The following DPYD variants were observed in gnomAD, a reference collection of about 807,000 sequenced individuals.
DPYD encodes dihydropyrimidine dehydrogenase, also known as dihydropyrimidine dehydrogenase [NADP(+)].
DPYD carries 109 observed loss-of-function variants against 116.2 expected under a neutral mutation model. That is an observed-to-expected ratio of 0.94 (90% CI 0.80 to 1.10). The LOEUF (loss-of-function observed/expected upper bound fraction) is 1.10, where lower values mean the gene tolerates loss of function less well. Among genes scored for constraint, DPYD ranks in the 50% least tolerant of loss-of-function variants. The pLI, the probability that DPYD is intolerant of heterozygous loss-of-function variation, is 0.00. For missense variants in DPYD, 1,302 were observed against 1,254.5 expected (o/e 1.04, Z -0.57); for synonymous variants, 440 against 432.0 (o/e 1.02, Z -0.23).
intron 20 of DPYD, among the ~76,000 whole-genome samples, chr1:97,173,524 A>G (rs1212833535): frequency 2.0e-5 from 3 of 151,412 alleles, no homozygotes; most frequent in Non-Finnish European, 2.9e-5. Context: ...AAAGGTATAT[A>G]CAATTATGTG....
At chr1:97,806,465 T>A (rs994443448) in intron 3 of DPYD, among the ~76,000 whole-genome samples, 1 of 151,926 alleles carries the variant, frequency 6.6e-6, no homozygotes, top group Admixed American at 6.6e-5. Context: ...TTTTGGGACA[T>A]TTTTTACTCA....
In DPYD at chr1:97,725,633, A is replaced by G. The variant is rs1200718969; in HGVS notation, c.322-3962T>C. The stretch of plus-strand genomic sequence containing the variant: ...ATGTGATATAAATATGAGTCCAGAT[A>G]AAAGCCTTCACATTTATGTTCAATT... On this transcript the variant is annotated intron_variant, in intron 4 of 22. Coordinates refer to ENST00000370192, the MANE Select transcript of DPYD (RefSeq NM_000110.4). 2.6e-5 allele frequency among the ~76,000 whole-genome samples: 4 copies of G among 151,706 alleles called. No individual in the cohort carries two copies. In the Admixed American group the frequency reaches 2.6e-4, roughly 10 times the overall value.
In DPYD at chr1:97,565,438, C is replaced by G. The variant is rs551808058; in HGVS notation, c.1339+8322G>C. Among the ~76,000 whole-genome samples, 3 of 152,178 alleles carry G rather than the reference C, an allele frequency of 2.0e-5. No homozygotes were observed. The South Asian group carries it at 6.2e-4, about 32-fold the overall frequency. On this transcript the variant is annotated intron_variant, in intron 11 of 22. Coordinates refer to ENST00000370192, the MANE Select transcript of DPYD (RefSeq NM_000110.4). ...CAAAATCCCTACTTTAGCATATAAT[C>G]CTTTGACTCCACATATATTTTAGCC... is the stretch of plus-strand genomic sequence containing the variant.
chr1:97,576,318 TAC>T (rs925854502), intron 10 of DPYD, among the ~76,000 whole-genome samples: 133 of 152,306 alleles, frequency 8.7e-4, no homozygotes, highest in African/African-American at 3.0e-3. Flanking sequence ...ATACAATGTG[TAC>T]CTGTAACAGT....
intron 20 of DPYD, among the ~76,000 whole-genome samples, chr1:97,188,989 T>G (rs186921750): frequency 2.0e-5 from 3 of 152,236 alleles, no homozygotes; most frequent in Non-Finnish European, 4.4e-5. Context: ...TCTTTTCTGA[T>G]GTAATGGAAA....
chr1:97,091,539 T>C (rs886761007), intron 21 of DPYD, among the ~76,000 whole-genome samples: 1 of 152,082 alleles, frequency 6.6e-6, no homozygotes, highest in Non-Finnish European at 1.5e-5. Flanking sequence ...AGAAAATGAC[T>C]TTAAAGGGAA....
chr1:97,211,407 C>A (rs1182446904), intron 19 of DPYD, among the ~76,000 whole-genome samples: 1 of 152,106 alleles, frequency 6.6e-6, no homozygotes, highest in African/African-American at 2.4e-5. Flanking sequence ...TGACATTTTT[C>A]TTATATATCT....
chr1:97,717,860 A>G (rs1182458921), intron 5 of DPYD, among the ~76,000 whole-genome samples: 1 of 151,790 alleles, frequency 6.6e-6, no homozygotes, highest in Non-Finnish European at 1.5e-5. Context: ...TTCATTATCC[A>G]ACCATTGACT....
At chr1:97,451,694 T>C (rs1676421649) in intron 13 of DPYD, among the ~76,000 whole-genome samples, 1 of 152,132 alleles carries the variant, frequency 6.6e-6, no homozygotes, top group Non-Finnish European at 1.5e-5. Flanking sequence ...CTTAAATGTA[T>C]GTTCTACGTC....
intron 13 of DPYD, among the ~76,000 whole-genome samples, chr1:97,463,115 T>C (rs914181097): frequency 1.3e-5 from 2 of 152,366 alleles, no homozygotes; most frequent in East Asian, 3.9e-4. Context: ...CATGTAATGA[T>C]TGATGTCTTA....
At chr1:97,845,977 G>A (rs1366038439) in intron 2 of DPYD, among the ~76,000 whole-genome samples, 2 of 152,232 alleles carry the variant, frequency 1.3e-5, no homozygotes, top group Non-Finnish European at 2.9e-5. Flanking sequence ...CCCTGGCTGT[G>A]TGCAATGGGT....
intron 18 of DPYD, among the ~76,000 whole-genome samples, chr1:97,291,818 C>A (rs889314176): frequency 2.0e-5 from 3 of 151,542 alleles, no homozygotes; most frequent in African/African-American, 7.3e-5. Context: ...GCACATGTAC[C>A]CTAAAACTTA....
chr1:97,860,462 T>C (rs1671061639), intron 2 of DPYD, among the ~76,000 whole-genome samples: 1 of 152,144 alleles, frequency 6.6e-6, no homozygotes, highest in South Asian at 2.1e-4. Flanking sequence ...TTATGAAATT[T>C]TCTAAAACAA....
At chr1:97,547,527 C>A (rs184101427) in intron 12 of DPYD, among the ~76,000 whole-genome samples, 15 of 152,198 alleles carry the variant, frequency 9.9e-5, no homozygotes, top group African/African-American at 3.4e-4. Flanking sequence ...TTCTTTCTTT[C>A]TTTGCCTAGC....
Position 97,078,791 on chromosome 1 carries a change from A to C in DPYD, c.*185T>G, listed in dbSNP as rs918000563. The C allele has an allele frequency of 4.6e-6, 3 of 652,366 alleles. No homozygotes were observed. The African/African-American group carries it at 5.5e-5, about 12-fold the overall frequency. The allele number at this position is 652,366 out of a possible 1,614,324, so 40.4% of individuals were successfully genotyped here. On this transcript the variant is annotated 3_prime_UTR_variant, in exon 23 of 23. Coordinates refer to ENST00000370192, the MANE Select transcript of DPYD (RefSeq NM_000110.4). ...AGAATTATTCTATTTTATGACCACT[A>C]ATTGAATGGTCATTGACATGAGACA...
intron 2 of DPYD, among the ~76,000 whole-genome samples, chr1:97,872,302 T>C (rs1009414237): frequency 2.6e-5 from 4 of 151,922 alleles, no homozygotes; most frequent in African/African-American, 7.2e-5. Context: ...GATAACTATA[T>C]TCCATTAACC....
chr1:97,832,417 G>C (rs1177608005), intron 2 of DPYD, among the ~76,000 whole-genome samples: 1 of 152,048 alleles, frequency 6.6e-6, no homozygotes, highest in African/African-American at 2.4e-5. Flanking sequence ...ATACTGAGCT[G>C]GATGGAAAAT....
At chr1:97,245,188 A>G (rs1412311061) in intron 18 of DPYD, among the ~76,000 whole-genome samples, 7 of 152,144 alleles carry the variant, frequency 4.6e-5, no homozygotes, top group Non-Finnish European at 7.4e-5. Flanking sequence ...ACAGACATGG[A>G]AATTCAGGCT....
At chr1:97,527,917 A>C (rs907170986) in intron 12 of DPYD, among the ~76,000 whole-genome samples, 4 of 152,156 alleles carry the variant, frequency 2.6e-5, no homozygotes, top group African/African-American at 4.8e-5. Flanking sequence ...CAAAATAATC[A>C]AACAGCTTTC....
Sources: gnomAD v4.1 joint callset for allele counts (sites outside exome capture counted in the v4.1 genomes callset) on GRCh38, gnomAD v4.1.1 for gene constraint, MANE v1.5 for transcripts, NCBI Gene and HGNC (gene_info 2026-07-23, HGNC 2026-07-21) for gene names.